The following HELZ variants were observed in gnomAD, a reference collection of about 807,000 sequenced individuals.
HELZ encodes the protein ATP-dependent RNA helicase with zinc finger domain.
In HELZ, 23 loss-of-function variants were observed where a neutral mutation model predicts 218.2. That is an observed-to-expected ratio of 0.11 (90% CI 0.08 to 0.15). The LOEUF (loss-of-function observed/expected upper bound fraction) is 0.15. Ranked by LOEUF, HELZ falls within the 10% of genes least tolerant of loss-of-function variation. The pLI, the probability that HELZ is intolerant of heterozygous loss-of-function variation, is 1.00. For missense variants in HELZ, 1,813 were observed against 2,353.7 expected, an observed-to-expected ratio of 0.77 and a Z score of 4.75; for synonymous variants, 814 against 829.4, an observed-to-expected ratio of 0.98 and a Z score of 0.32.
intron 31 of HELZ, among the ~76,000 whole-genome samples, chr17:67,097,049 G>A (rs1337847093): frequency 1.3e-5 from 2 of 152,192 alleles, no homozygotes; most frequent in Non-Finnish European, 2.9e-5. Flanking sequence ...GGCCATGGTA[G>A]CATTGTTAAC....
intron 31 of HELZ, among the ~76,000 whole-genome samples, chr17:67,089,700 GAC>G (rs1220499524): frequency 1.2e-4 from 16 of 131,676 alleles, no homozygotes; most frequent in East Asian, 6.6e-4. Flanking sequence ...GAGAGAGAGA[GAC>G]AGAGAGACAG....
chr17:67,087,827 G>T (rs2036440074), intron 31 of HELZ, among the ~76,000 whole-genome samples: 1 of 152,202 alleles, frequency 6.6e-6, no homozygotes, highest in Non-Finnish European at 1.5e-5. Flanking sequence ...GCCATGTCAA[G>T]ATTTTTTTAT....
Position 67,126,284 on chromosome 17 carries a change from C to A in HELZ, c.3388-2270G>T, listed in dbSNP as rs535400996. ...AATAGTAACCATAATCTAGGGTAAT[C>A]CTACATTGTAAAGCTGGAAGAACGC... On this transcript the variant is annotated intron_variant, in intron 24 of 32. Coordinates refer to ENST00000358691, the MANE Select transcript of HELZ (RefSeq NM_014877.4). Among the ~76,000 whole-genome samples, 81 of 152,234 alleles carry A rather than the reference C, an allele frequency of 5.3e-4. 1 individual carries two copies. The highest frequency in any genetic ancestry group is 7.6e-4 in the Non-Finnish European group (52 of 68,026).
At chr17:67,117,507 C>T (rs2037462534) in intron 27 of HELZ, among the ~76,000 whole-genome samples, 1 of 151,272 alleles carries the variant, frequency 6.6e-6, no homozygotes, top group Non-Finnish European at 1.5e-5. Context: ...TTCATTTAAG[C>T]TTTCACTTTA....
At chr17:67,132,071 C>T (rs760444797) in intron 23 of HELZ, among the ~76,000 whole-genome samples, 5 of 152,080 alleles carry the variant, frequency 3.3e-5, no homozygotes, top group Admixed American at 6.6e-5. Flanking sequence ...GTGTGTATTA[C>T]ACTGTAATAT....
chr17:67,210,435 G>A (rs1211039503), intron 5 of HELZ, among the ~76,000 whole-genome samples: 2 of 152,160 alleles, frequency 1.3e-5, no homozygotes, highest in Non-Finnish European at 2.9e-5. Flanking sequence ...AAGCCCCTTT[G>A]TTTGCAATGA....
Position 67,109,702 on chromosome 17 carries a change from AAGCCTT to A in HELZ, c.3919-22_3919-17del, listed in dbSNP as rs768998512. 6.3e-7 allele frequency: 1 copy of A among 1,583,398 alleles called. No homozygotes were observed. The highest frequency in any genetic ancestry group is 1.1e-5 in the South Asian group (1 of 87,324). The stretch of plus-strand genomic sequence containing the variant: ...CCAAATCAACCTAGAAAAAAAGAAG[AAGCCTT>A]TTTTAACTGCAGAAGATTCAAATTC... On this transcript the variant is annotated splice_polypyrimidine_tract_variant and intron_variant, in intron 28 of 32. Transcript: ENST00000358691.
chr17:67,166,418 TAC>T, intron 15 of HELZ, 58 bp downstream of exon 15: 1 of 1,406,120 alleles, frequency 7.1e-7, no homozygotes. Context: ...AGTTATTTGA[TAC>T]AGATATTCAA....
intron 31 of HELZ, among the ~76,000 whole-genome samples, chr17:67,099,208 CTG>C (rs773707122): frequency 6.6e-6 from 1 of 152,042 alleles, no homozygotes; most frequent in Non-Finnish European, 1.5e-5. Flanking sequence ...TCGCCCAGTT[CTG>C]TTTCGGGAAG....
chr17:67,089,694 G>GAGAGAGAGAGAGAGAGAGAGAC lies in HELZ; in HGVS notation c.5242-2614_5242-2613insGTCTCTCTCTCTCTCTCTCTCT, dbSNP rs776184027. On this transcript the variant is annotated intron_variant, in intron 31 of 32. Transcript: ENST00000358691. Reference sequence around the variant, plus strand: ...AGAGAGAGAGAGAGAGAGAGAGAGAGAGAGAGACAGAGAGACAGAGAGAGA... The same window carrying GAGAGAGAGAGAGAGAGAGAGAC: ...AGAGAGAGAGAGAGAGAGAGAGAGAGAGAGAGAGAGAGAGAGAGAGACAGAGAGACAGAGAGACAGAGAGAGA... Among the ~76,000 whole-genome samples the GAGAGAGAGAGAGAGAGAGAGAC allele has an allele frequency of 5.0e-3, 498 of 100,318 alleles. 2 individuals carry two copies. Among genetic ancestry groups the GAGAGAGAGAGAGAGAGAGAGAC allele is most frequent in the South Asian group, 0.011 (23 of 2,112 alleles). 65.8% of individuals were successfully genotyped at this position (100,318 alleles called of 152,430 possible).
chr17:67,194,115 ATAC>A (rs1567880267), intron 8 of HELZ, 73 bp from the exon 9 acceptor site: 1 of 1,020,744 alleles, frequency 9.8e-7, no homozygotes, highest in Non-Finnish European at 1.5e-6. Flanking sequence ...TGTGTAAGAG[ATAC>A]TACAATCCCT....
chr17:67,112,687 T>C (rs1439170573), intron 28 of HELZ, among the ~76,000 whole-genome samples: 1 of 152,220 alleles, frequency 6.6e-6, no homozygotes, highest in East Asian at 1.9e-4. Flanking sequence ...GATTTGGAAG[T>C]CGGTATCATG....
At chr17:67,210,791 G>A (rs889020711) in intron 5 of HELZ, among the ~76,000 whole-genome samples, 3 of 151,776 alleles carry the variant, frequency 2.0e-5, no homozygotes, top group South Asian at 2.1e-4. Flanking sequence ...GCGTGGTGGC[G>A]CATGCCTGTA....
chr17:67,165,409 T>C (rs1225125282), intron 15 of HELZ, among the ~76,000 whole-genome samples: 1 of 152,162 alleles, frequency 6.6e-6, no homozygotes, highest in Non-Finnish European at 1.5e-5. Context: ...ACTCTTCCCC[T>C]GTCGGCCAGC....
At chr17:67,172,064 C>T (rs2039328571) in intron 13 of HELZ, among the ~76,000 whole-genome samples, 1 of 152,168 alleles carries the variant, frequency 6.6e-6, no homozygotes, top group East Asian at 1.9e-4. Flanking sequence ...AACTCCTGAA[C>T]TCAGGTGGTC....
At chr17:67,190,859 G>A (rs1353408274) in intron 9 of HELZ, among the ~76,000 whole-genome samples, 5 of 152,088 alleles carry the variant, frequency 3.3e-5, no homozygotes, top group African/African-American at 4.8e-5. Context: ...ACAGGCGCCC[G>A]CCACCACGCC....
intron 27 of HELZ, among the ~76,000 whole-genome samples, chr17:67,117,289 A>G (rs1165568943): frequency 6.6e-6 from 1 of 152,204 alleles, no homozygotes; most frequent in African/African-American, 2.4e-5. Context: ...TTCTCTTAAC[A>G]CAATGGAATT....
At chr17:67,089,710 C>CAG (rs1205033222) in intron 31 of HELZ, among the ~76,000 whole-genome samples, 2 of 80,574 alleles carry the variant, frequency 2.5e-5, no homozygotes, top group East Asian at 4.0e-4. Context: ...GACAGAGAGA[C>CAG]AGAGAGAGAG....
At chr17:67,243,519 G>A (rs2041383618) in intron 2 of HELZ, among the ~76,000 whole-genome samples, 1 of 152,200 alleles carries the variant, frequency 6.6e-6, no homozygotes, top group African/African-American at 2.4e-5. Context: ...CCCTGGTGAA[G>A]ATACTGATCA....
Sources: allele counts gnomAD v4.1 joint callset (sites outside exome capture counted in the v4.1 genomes callset), GRCh38; gene constraint gnomAD v4.1.1; transcripts MANE v1.5; gene names NCBI Gene and HGNC (gene_info 2026-07-23, HGNC 2026-07-21).